Variants in EPHA6 observed in about 807,000 individuals in gnomAD.
EPHA6 encodes ephrin type-A receptor 6.
Under a neutral mutation model 112.0 loss-of-function variants are expected in EPHA6, and 50 were observed. The observed-to-expected ratio is 0.45, with a 90% CI of 0.36 to 0.56. EPHA6 has a LOEUF of 0.56. EPHA6 is among the 20% of genes least tolerant of loss of function. The probability of loss-of-function intolerance (pLI) is 0.00; values close to 1 mark genes in which losing one functional copy is unlikely to be tolerated. For synonymous variants in EPHA6, 529 were observed against 490.7 expected (o/e 1.08, Z -1.03); for missense variants, 1,280 against 1,417.4 (o/e 0.90, Z 1.56).
intron 6 of EPHA6, among the ~76,000 whole-genome samples, chr3:97,428,303 A>T (rs978311949): frequency 2.1e-4 from 32 of 152,262 alleles, no homozygotes; most frequent in African/African-American, 7.5e-4. Context: ...ATGATAGTAA[A>T]TATCTCTTTG....
At chr3:97,347,039 A>G (rs2108880086) in intron 5 of EPHA6, among the ~76,000 whole-genome samples, 1 of 152,098 alleles carries the variant, frequency 6.6e-6, no homozygotes, top group African/African-American at 2.4e-5. Flanking sequence ...CAACATTTTT[A>G]TTACTGTTGA....
intron 5 of EPHA6, among the ~76,000 whole-genome samples, chr3:97,288,799 G>C (rs926721047): frequency 5.9e-5 from 9 of 151,660 alleles, no homozygotes. Context: ...TCTCATTGTG[G>C]TTTTTATTTG....
intron 2 of EPHA6, among the ~76,000 whole-genome samples, chr3:96,912,701 C>T (rs1160866756): frequency 6.6e-6 from 1 of 152,086 alleles, no homozygotes; most frequent in East Asian, 1.9e-4. Flanking sequence ...AGTCTTCCTG[C>T]CTTAGCCTTC....
At chr3:97,535,912 G>A (rs2092757345) in intron 11 of EPHA6, among the ~76,000 whole-genome samples, 1 of 151,954 alleles carries the variant, frequency 6.6e-6, no homozygotes. Context: ...GGAACACTTT[G>A]GCTCTCTTTC....
intron 3 of EPHA6, among the ~76,000 whole-genome samples, chr3:97,051,324 C>A (rs1192616732): frequency 6.6e-6 from 1 of 152,040 alleles, no homozygotes; most frequent in Non-Finnish European, 1.5e-5. Context: ...AAATCTCCTC[C>A]GTAAGGAGAT....
intron 2 of EPHA6, among the ~76,000 whole-genome samples, chr3:96,956,163 A>G (rs2041750166): frequency 6.6e-6 from 1 of 152,206 alleles, no homozygotes. Context: ...TCTCTTCATA[A>G]GTATATTCCT....
intron 3 of EPHA6, among the ~76,000 whole-genome samples, chr3:97,116,357 A>G (rs2047886984): frequency 6.6e-6 from 1 of 151,652 alleles, no homozygotes; most frequent in South Asian, 2.1e-4. Context: ...CTGTGTGTAT[A>G]TATGAAAGAA....
intron 5 of EPHA6, among the ~76,000 whole-genome samples, chr3:97,397,352 A>G (rs1577234640): frequency 6.6e-6 from 1 of 151,790 alleles, no homozygotes; most frequent in African/African-American, 2.4e-5. Context: ...CATTACTTCA[A>G]GAGTGTTACC....
At chr3:96,872,157 T>C (rs917784348) in intron 2 of EPHA6, among the ~76,000 whole-genome samples, 8 of 152,138 alleles carry the variant, frequency 5.3e-5, no homozygotes, top group African/African-American at 1.9e-4. Context: ...CTGAGCATAT[T>C]TGAAGATGGT....
chr3:97,192,551 G>A (rs976620031), intron 3 of EPHA6, among the ~76,000 whole-genome samples: 12 of 152,042 alleles, frequency 7.9e-5, no homozygotes, highest in East Asian at 3.9e-4. Context: ...GGTGGTTTGC[G>A]TATATTTTCT....
At chr3:97,598,113 AAGTT>A (rs2093609241) in intron 12 of EPHA6, among the ~76,000 whole-genome samples, 2 of 152,078 alleles carry the variant, frequency 1.3e-5, no homozygotes, top group African/African-American at 4.8e-5. Context: ...ATTCTTTAAA[AAGTT>A]AGTACCCATT....
intron 5 of EPHA6, among the ~76,000 whole-genome samples, chr3:97,265,598 G>T (rs1334775257): frequency 6.6e-6 from 1 of 152,134 alleles, no homozygotes; most frequent in Non-Finnish European, 1.5e-5. Context: ...GCAGGGGCAG[G>T]GGGGGCCTTC....
intron 5 of EPHA6, among the ~76,000 whole-genome samples, chr3:97,393,506 C>T (rs533806535): frequency 2.0e-4 from 30 of 151,946 alleles, no homozygotes; most frequent in African/African-American, 7.0e-4. Context: ...TCTGGTCTCA[C>T]CTCTGTAATT....
intron 12 of EPHA6, among the ~76,000 whole-genome samples, chr3:97,599,743 G>A (rs1233793494): frequency 3.3e-5 from 5 of 152,128 alleles, no homozygotes; most frequent in African/African-American, 7.2e-5. Context: ...TTGACTTGGT[G>A]ATGCGGGCTC....
intron 9 of EPHA6, among the ~76,000 whole-genome samples, chr3:97,483,005 CT>C (rs1399387446): frequency 2.6e-5 from 4 of 152,162 alleles, no homozygotes; most frequent in Non-Finnish European, 4.4e-5. Context: ...GTACTCCCAG[CT>C]ACTCAGGAGG....
At chr3:97,581,195 G>A (rs1374983088) in intron 11 of EPHA6, among the ~76,000 whole-genome samples, 1 of 152,190 alleles carries the variant, frequency 6.6e-6, no homozygotes, top group East Asian at 1.9e-4. Flanking sequence ...CCCATGTCTG[G>A]CTGTTTGTAT....
chr3:96,950,913 C>T (rs573244873), intron 2 of EPHA6, among the ~76,000 whole-genome samples: 4 of 152,054 alleles, frequency 2.6e-5, no homozygotes, highest in Admixed American at 1.3e-4. Flanking sequence ...GATGGCTAAT[C>T]ATAATTTTCT....
chr3:97,535,931 GC>G (rs2092757693), intron 11 of EPHA6, among the ~76,000 whole-genome samples: 1 of 151,794 alleles, frequency 6.6e-6, no homozygotes, highest in Non-Finnish European at 1.5e-5. Context: ...TCATATTTGG[GC>G]ATTATTTTAA....
chr3:96,845,482 A>G (rs567730610), intron 1 of EPHA6, among the ~76,000 whole-genome samples: 84 of 152,070 alleles, frequency 5.5e-4, no homozygotes, highest in African/African-American at 1.9e-3. Context: ...GTTGGTCTCC[A>G]TGTTTCGGTA....
Sources: allele counts gnomAD v4.1 joint callset (sites outside exome capture counted in the v4.1 genomes callset), GRCh38; gene constraint gnomAD v4.1.1; transcripts MANE v1.5; gene names NCBI Gene and HGNC (gene_info 2026-07-23, HGNC 2026-07-21).